Variants in ALG12 observed in about 807,000 individuals in gnomAD.
ALG12 encodes ALG12 alpha-1,6-mannosyltransferase.
Under a neutral mutation model 46.0 loss-of-function variants are expected in ALG12, and 36 were observed. The observed-to-expected ratio is 0.78, with a 90% CI of 0.60 to 1.03. The LOEUF (loss-of-function observed/expected upper bound fraction) is 1.03. ALG12 is among the 50% of genes least tolerant of loss of function. The pLI is 0.00. For missense variants in ALG12, 599 were observed against 633.5 expected (o/e 0.95, Z 0.58); for synonymous variants, 326 against 291.6 (o/e 1.12, Z -1.20).
intron 6 of ALG12, among the ~76,000 whole-genome samples, chr22:49,908,297 A>G (rs2147585882): frequency 6.6e-6 from 1 of 151,278 alleles, no homozygotes; most frequent in South Asian, 2.1e-4. Flanking sequence ...CGGGAGGCCA[A>G]GGTGGGTAGA....
the ALG12 span, among the ~76,000 whole-genome samples, chr22:49,862,735 T>C: frequency 7.2e-6 from 1 of 138,624 alleles, no homozygotes; most frequent in Non-Finnish European, 1.5e-5. Flanking sequence ...TAAGTCTTGC[T>C]CTGTCGCCCA....
rs916715040 is a variant in ALG12 at position 49,918,436 on chromosome 22, G to A, written c.-252C>T. 2 of 200,920 alleles carry A rather than the reference G, an allele frequency of 1.0e-5. No homozygotes were observed. The highest frequency in any genetic ancestry group is 2.3e-5 in the African/African-American group (1 of 43,116). The allele number at this position is 200,920 out of a possible 1,614,324, so 12.4% of individuals were successfully genotyped here. On this transcript the variant is annotated 5_prime_UTR_variant, in exon 1 of 10. Coordinates refer to ENST00000330817, the MANE Select transcript of ALG12 (RefSeq NM_024105.4). Reference sequence around the variant, plus strand: ...AGAGACCCTCTGTGCCCTGAGTAAAGATGGCCGCCGCGGGCTGCGCGCGAG... The same window carrying A: ...AGAGACCCTCTGTGCCCTGAGTAAAAATGGCCGCCGCGGGCTGCGCGCGAG...
chr22:49,895,416 CCGAGGTGGGTGGATCACCTGAGGT>C (rs1439544735), downstream of ALG12, among the ~76,000 whole-genome samples: 4 of 152,102 alleles, frequency 2.6e-5, no homozygotes, highest in Non-Finnish European at 5.9e-5. Context: ...CTTTGGGAGG[CCGAGGTGGGTGGATCACCTGAGGT>C]CAGGAGTTCG....
At position 49,903,916 on chromosome 22, in the gene ALG12, G is replaced by A. The variant is rs745510179; in HGVS notation, c.1389C>T (p.Asn463=). Residue 463 remains asparagine, a synonymous_variant, in exon 10 of 10, where the codon AAC becomes AAT. Coordinates refer to ENST00000330817, the MANE Select transcript of ALG12 (RefSeq NM_024105.4). The part of the protein sequence containing the change: ...SVVGTTGVSL[N]LTQLPPFNVH... ...CGTTGAAGGGGGGCAGTTGGGTCAG[G>A]TTCAGACTCACACCTGTGGTCCCCA... The A allele has an allele frequency of 6.2e-7, 1 of 1,614,186 alleles. No individual in the cohort carries two copies. The highest frequency in any genetic ancestry group is 8.5e-7 in the Non-Finnish European group (1 of 1,180,006).
the ALG12 span, among the ~76,000 whole-genome samples, chr22:49,861,945 T>C: frequency 6.6e-6 from 1 of 152,114 alleles, no homozygotes; most frequent in African/African-American, 2.4e-5. Flanking sequence ...TGCTTCCAAG[T>C]TCCCCCGCAC....
rs750091570 is a variant in ALG12 at position 49,907,889 on chromosome 22, C to A, written c.824G>T (p.Ser275Ile). The A allele has an allele frequency of 1.9e-6, 3 of 1,613,842 alleles. No homozygotes were observed. Among genetic ancestry groups the A allele is most frequent in the Non-Finnish European group, 2.5e-6 (3 of 1,180,034 alleles). The change falls in exon 7 of 10, where the codon AGC becomes ATC. Residue 275 changes from serine to isoleucine, a missense_variant. By Grantham distance (142) the Ser-to-Ile change is moderately radical. Transcript: ENST00000330817. Reference protein sequence around the residue: ...YSALPRGLGCSLLFIPLGLVD... With the variant: ...YSALPRGLGCILLFIPLGLVD... ...CAAGCCCAGGGGGATGAAGAGCAGGCTGCAGCCCAGGCCGCGGGGCAGGGC... is the reference window on the plus strand; with the variant it reads ...CAAGCCCAGGGGGATGAAGAGCAGGATGCAGCCCAGGCCGCGGGGCAGGGC...
intron 3 of ALG12, among the ~76,000 whole-genome samples, chr22:49,911,912 T>A (rs1037945979): frequency 2.6e-5 from 4 of 152,190 alleles, no homozygotes; most frequent in African/African-American, 9.7e-5. Flanking sequence ...TGGTTTTCCA[T>A]CTTCCCAAAT....
Position 49,909,286 on chromosome 22 carries a change from C to A in ALG12, c.726G>T (p.Val242=). ...TGTTCAGGACAGTGTTGTACCAAAG[C>A]ACCTTTCCTTCCGGCCAAGTGAGCT... ...WRQLTWPEGK[V]LWYNTVLNKS... is the part of the protein sequence containing the mutation. The change falls in exon 6 of 10, where the codon GTG becomes GTT. Residue 242 remains valine (V), a synonymous_variant. Coordinates refer to ENST00000330817, the MANE Select transcript of ALG12 (RefSeq NM_024105.4). 6.2e-7 allele frequency: 1 copy of A among 1,614,258 alleles called. No individual in the cohort carries two copies. The highest frequency in any genetic ancestry group is 1.1e-5 in the South Asian group (1 of 91,088).
In ALG12 at chr22:49,913,742, G is replaced by T; in HGVS notation, c.24C>A (p.Gly8=). The T allele has an allele frequency of 1.2e-6, 2 of 1,613,778 alleles. No individual in the cohort carries two copies. Among genetic ancestry groups the T allele is most frequent in the Non-Finnish European group, 1.7e-6 (2 of 1,180,034 alleles). MAGKGSS[G]RRPLLLGLLV... ...GCAGCCCCAGCAGCAGGGGCCGCCT[G>T]CCTGATGACCCCTTTCCAGCCATTC... The change falls in exon 2 of 10, where the codon GGC becomes GGA. Residue 8 remains glycine, a synonymous_variant. Transcript: ENST00000330817.
At position 49,904,354 on chromosome 22, in the gene ALG12, A is replaced by T; in HGVS notation, c.1145T>A (p.Leu382Gln). ...GGVAMQRLHQ[L>Q]VPPQTDVLLH... ...GCACCCACCTGTCTGGGGGGGCACC[A>T]GCTGGTGCAGCCTCTGCATTGCGAC... Residue 382 changes from leucine to glutamine, a missense_variant, in exon 8 of 10, where the codon CTG becomes CAG. Transcript: ENST00000330817. 1.9e-6 allele frequency: 3 copies of T among 1,614,258 alleles called. No homozygotes were observed. The highest frequency in any genetic ancestry group is 2.5e-6 in the Non-Finnish European group (3 of 1,180,046).
At chr22:49,885,940 C>T in the ALG12 span, 20 of 782,872 alleles carry the variant, frequency 2.6e-5, no homozygotes, top group East Asian at 1.2e-4. Context: ...AGCCCGGCCG[C>T]GCTGTGACGA....
At chr22:49,894,020 CTG>C in the ALG12 span, among the ~76,000 whole-genome samples, 1 of 152,130 alleles carries the variant, frequency 6.6e-6, no homozygotes, top group Non-Finnish European at 1.5e-5. Flanking sequence ...AAAAAATTAA[CTG>C]GGCCTGGTGA....
chr22:49,909,344 A>C lies in ALG12; in HGVS notation c.668T>G (p.Leu223Arg). Residue 223 changes from leucine to arginine, a missense_variant, in exon 6 of 10, where the codon CTG becomes CGG. Physicochemically the swap from Leu to Arg is moderately radical, Grantham distance 102 (BLOSUM62 -2). Coordinates refer to ENST00000330817, the MANE Select transcript of ALG12 (RefSeq NM_024105.4). Reference sequence around the variant, plus strand: ...AAAATAAGAGTCCACAGCAACCGTCAGTCCTGACAAAATAAAATAGAGTTT... The same window carrying C: ...AAAATAAGAGTCCACAGCAACCGTCCGTCCTGACAAAATAAAATAGAGTTT... ...AVPAGILCLGLTVAVDSYFWR... is the reference protein window; with the variant it reads ...AVPAGILCLGRTVAVDSYFWR... 1.9e-6 allele frequency: 3 copies of C among 1,614,204 alleles called. No individual in the cohort carries two copies. Among genetic ancestry groups the C allele is most frequent in the Non-Finnish European group, 2.5e-6 (3 of 1,180,024 alleles).
At chr22:49,886,250 C>T in the ALG12 span, 14 of 1,124,330 alleles carry the variant, frequency 1.2e-5, no homozygotes, top group South Asian at 5.5e-5. The surrounding 1 kb of genome is among the most constrained non-coding windows in gnomAD (Gnocchi z 7.7). Flanking sequence ...GTGCACCGGT[C>T]GCCCAAGGCG....
At chr22:49,895,512 TGTG>T (rs1026491722), downstream of ALG12, among the ~76,000 whole-genome samples, 5 of 151,936 alleles carry the variant, frequency 3.3e-5, no homozygotes, top group Non-Finnish European at 5.9e-5. Flanking sequence ...ATTAGCCAGG[TGTG>T]GTGGTGCGCA....
At chr22:49,891,263 A>C in the ALG12 span, among the ~76,000 whole-genome samples, 2 of 152,172 alleles carry the variant, frequency 1.3e-5, no homozygotes, top group Non-Finnish European at 2.9e-5. Flanking sequence ...CAGGGTCTTG[A>C]TGCCACTTGT....
chr22:49,886,611 C>G, the ALG12 span: 5 of 1,574,116 alleles, frequency 3.2e-6, no homozygotes, highest in Non-Finnish European at 4.3e-6. The surrounding 1 kb of genome is among the most constrained non-coding windows in gnomAD (Gnocchi z 7.7). Flanking sequence ...CCATGCTGCG[C>G]TCTCTGAAGG....
chr22:49,911,857 G>A (rs2060578527), intron 3 of ALG12, among the ~76,000 whole-genome samples: 3 of 152,274 alleles, frequency 2.0e-5, no homozygotes, highest in African/African-American at 4.8e-5. Flanking sequence ...GCAAAGCCCC[G>A]CTTCCCCTTT....
chr22:49,874,138 C>T, the ALG12 span, among the ~76,000 whole-genome samples: 1 of 152,216 alleles, frequency 6.6e-6, no homozygotes, highest in African/African-American at 2.4e-5. Context: ...CAGCCGCCTC[C>T]TGCCTGGGCA....
Sources: allele counts gnomAD v4.1 joint callset (sites outside exome capture counted in the v4.1 genomes callset), GRCh38; gene constraint gnomAD v4.1.1; non-coding constraint Gnocchi (gnomAD v3.1); transcripts MANE v1.5; gene names NCBI Gene and HGNC (gene_info 2026-07-23, HGNC 2026-07-21).